Variants in NFIC observed in about 807,000 individuals in gnomAD.
The protein encoded by NFIC is nuclear factor 1 C-type.
NFIC carries 12 observed loss-of-function variants against 54.4 expected under a neutral mutation model. The observed-to-expected ratio is 0.22, with a 90% CI of 0.14 to 0.36. NFIC has a LOEUF of 0.36. Ranked by LOEUF, NFIC falls within the 10% of genes least tolerant of loss-of-function variation. NFIC has a pLI of 1.00. For synonymous variants in NFIC, 322 were observed against 319.2 expected, an observed-to-expected ratio of 1.01 and a Z score of -0.09; for missense variants, 575 against 718.2, an observed-to-expected ratio of 0.80 and a Z score of 2.28.
Position 3,464,155 on chromosome 19 carries a change from C to T in NFIC, c.*1386C>T, listed in dbSNP as rs1449529357. 7 of 985,374 alleles carry T rather than the reference C, an allele frequency of 7.1e-6. No individual in the cohort carries two copies. The East Asian group carries it at 5.7e-4, about 80-fold the overall frequency. The allele number at this position is 985,374 out of a possible 1,614,324, so 61.0% of individuals were successfully genotyped here. A position where few individuals can be genotyped will look rare whatever the true frequency, so the allele number is the denominator to read the frequency against. On this transcript the variant is annotated 3_prime_UTR_variant, in exon 11 of 11. Coordinates refer to ENST00000443272, the MANE Select transcript of NFIC (RefSeq NM_001245002.2). ...GTGCCTCCCAGCGAAGGGGGACCGC[C>T]GTTTGCACTTTCATCGCCTACCCCG...
chr19:3,379,047 C>CG (rs2081154135), intron 1 of NFIC, among the ~76,000 whole-genome samples: 1 of 151,884 alleles, frequency 6.6e-6, no homozygotes, highest in Non-Finnish European at 1.5e-5. Flanking sequence ...CTTTCGTAGT[C>CG]ATTTTTTGTT....
rs77829620 is a variant in NFIC, at chr19:3,452,352, T to G, written c.1085-130T>G. On this transcript the variant is annotated intron_variant, in intron 7 of 10. Transcript: ENST00000443272. The surrounding 1 kb of genome is among the most constrained non-coding windows in gnomAD (Gnocchi z 5.3). The stretch of plus-strand genomic sequence containing the variant: ...AATGTGGTCAGTGCTGCTGGGTTTT[T>G]TTGGTGGTTATTGTTACTAAACGCA... The G allele has an allele frequency of 1.6e-3, 1,996 of 1,248,814 alleles. 21 individuals carry two copies. The African/African-American group carries it at 0.023, about 14-fold the overall frequency. 77.4% of individuals were successfully genotyped at this position (1,248,814 alleles called of 1,614,324 possible).
chr19:3,414,479 C>G (rs1314973015), intron 2 of NFIC, among the ~76,000 whole-genome samples: 1 of 151,954 alleles, frequency 6.6e-6, no homozygotes, highest in African/African-American at 2.4e-5. Flanking sequence ...CCTGTAGTCC[C>G]AGCTACTCTG....
chr19:3,437,409 G>A (rs903316237), intron 6 of NFIC, among the ~76,000 whole-genome samples: 3 of 151,434 alleles, frequency 2.0e-5, no homozygotes, highest in African/African-American at 7.3e-5. Flanking sequence ...GCACTCGGAC[G>A]CATCTAGTTG....
In NFIC at chr19:3,453,534, G is replaced by A. The variant is rs940293986; in HGVS notation, c.1270-229G>A. On this transcript the variant is annotated intron_variant, in intron 8 of 10. Coordinates refer to ENST00000443272, the MANE Select transcript of NFIC (RefSeq NM_001245002.2). This position sits in a 1 kb window ranked among gnomAD's most constrained non-coding sequence, Gnocchi z 6.7. ...TTTACAGAGGAGATGCAGTGAGCGT[G>A]GCCCCAGTAGTGCCGGGCTTTGAGT... is the stretch of plus-strand genomic sequence containing the variant. Among the ~76,000 whole-genome samples the A allele has an allele frequency of 1.3e-5, 2 of 152,156 alleles. No homozygotes were observed. The highest frequency in any genetic ancestry group is 4.8e-5 in the African/African-American group (2 of 41,436).
Position 3,375,636 on chromosome 19 carries a change from G to T in NFIC, c.31-6076G>T, listed in dbSNP as rs1195519756. Among the ~76,000 whole-genome samples, 1 of 152,244 alleles carries T rather than the reference G, an allele frequency of 6.6e-6. No individual in the cohort carries two copies. Among genetic ancestry groups the T allele is most frequent in the African/African-American group, 2.4e-5 (1 of 41,470 alleles). Reference sequence around the variant, plus strand: ...CTGTTACGGTGACTCACGCTTTGGGGGACATTGGGGTGGGGGAGCTTCGCT... The same window carrying T: ...CTGTTACGGTGACTCACGCTTTGGGTGACATTGGGGTGGGGGAGCTTCGCT... On this transcript the variant is annotated intron_variant, in intron 1 of 10. Coordinates refer to ENST00000443272, the MANE Select transcript of NFIC (RefSeq NM_001245002.2). This position sits in a 1 kb window ranked among gnomAD's most constrained non-coding sequence, Gnocchi z 4.6.
At chr19:3,381,564 C>A in intron 1 of NFIC, 148 bp from the exon 2 acceptor site, 1 of 1,240,928 alleles carries the variant, frequency 8.1e-7, no homozygotes, top group Non-Finnish European at 1.1e-6. Context: ...GTGCACGGGT[C>A]CGCAGCGACC....
rs900806821 is a variant in NFIC at position 3,458,504 on chromosome 19, C to T, written c.1509+1869C>T. 1.3e-5 allele frequency among the ~76,000 whole-genome samples: 2 copies of T among 152,204 alleles called. No homozygotes were observed. Among genetic ancestry groups the T allele is most frequent in the Admixed American group, 6.5e-5 (1 of 15,280 alleles). On this transcript the variant is annotated intron_variant, in intron 10 of 10. Coordinates refer to ENST00000443272, the MANE Select transcript of NFIC (RefSeq NM_001245002.2). This position sits in a 1 kb window ranked among gnomAD's most constrained non-coding sequence, Gnocchi z 4.1. ...CTGTGCTGGCTCCAGCCCCACCCCA[C>T]CCAAGCCTGGGAGGGAAGGGAAACT...
At chr19:3,379,664 T>A (rs1362956169) in intron 1 of NFIC, among the ~76,000 whole-genome samples, 5 of 134,134 alleles carry the variant, frequency 3.7e-5, no homozygotes, top group South Asian at 2.4e-4. Context: ...CATTTTTTTT[T>A]ATTTCTTTCT....
rs1044506466 is a variant in NFIC, at chr19:3,387,921, C to G, written c.562+5678C>G. ...TGTCTGCCCGCCCAGGGCCTAAACC[C>G]AGCCAGGCCTCCCCGCCCCCTCTGG... On this transcript the variant is annotated intron_variant, in intron 2 of 10. Transcript: ENST00000443272. Among the ~76,000 whole-genome samples, 7 of 152,220 alleles carry G rather than the reference C, an allele frequency of 4.6e-5. No homozygotes were observed. In the South Asian group the frequency reaches 1.0e-3, roughly 23 times the overall value.
At chr19:3,387,112 A>G (rs2081308820) in intron 2 of NFIC, among the ~76,000 whole-genome samples, 1 of 152,136 alleles carries the variant, frequency 6.6e-6, no homozygotes, top group African/African-American at 2.4e-5. Flanking sequence ...CATCAGGCAT[A>G]GGGCCTTGGC....
intron 1 of NFIC, among the ~76,000 whole-genome samples, chr19:3,371,988 CCTCTCTCTCCCTCTCTCTCTCTCTCT>C (rs2081025955): frequency 3.6e-5 from 1 of 27,412 alleles, no homozygotes; most frequent in Non-Finnish European, 6.4e-5. Context: ...TCTCTCTCTC[CCTCTCTCTCCCTCTCTCTCTCTCTCT>C]CTCTCTCTCT....
chr19:3,431,882 T>C (rs907543404), intron 3 of NFIC, among the ~76,000 whole-genome samples: 6 of 152,188 alleles, frequency 3.9e-5, no homozygotes, highest in African/African-American at 1.2e-4. Flanking sequence ...GAAGGGACAT[T>C]TGGGTGGCTT....
chr19:3,379,669 C>CTTTTTTTTTTTTTTTTTTTTTT (rs2081167140), intron 1 of NFIC, among the ~76,000 whole-genome samples: 1 of 99,528 alleles, frequency 1.0e-5, no homozygotes, highest in African/African-American at 4.3e-5. Flanking sequence ...TTTTTTATTT[C>CTTTTTTTTTTTTTTTTTTTTTT]TTTCTTTTTT....
rs149326135 is a variant in NFIC, at chr19:3,377,402, T to G, written c.31-4310T>G. Among the ~76,000 whole-genome samples, 11 of 150,536 alleles carry G rather than the reference T, an allele frequency of 7.3e-5. No individual in the cohort carries two copies. In the East Asian group the frequency reaches 2.2e-3, roughly 29 times the overall value. On this transcript the variant is annotated intron_variant, in intron 1 of 10. Coordinates refer to ENST00000443272, the MANE Select transcript of NFIC (RefSeq NM_001245002.2). Reference sequence around the variant, plus strand: ...GTAATGATAACAATCATCGCATCATTAATAACAATGTAGTCCTTTGAGAGC... The same window carrying G: ...GTAATGATAACAATCATCGCATCATGAATAACAATGTAGTCCTTTGAGAGC...
chr19:3,388,668 A>AT (rs922429804), intron 2 of NFIC, among the ~76,000 whole-genome samples: 1 of 151,716 alleles, frequency 6.6e-6, no homozygotes, highest in African/African-American at 2.4e-5. Flanking sequence ...CCCCAACAAA[A>AT]TTTTTAAAAA....
At chr19:3,383,975 G>A (rs547099423) in intron 2 of NFIC, among the ~76,000 whole-genome samples, 1 of 152,088 alleles carries the variant, frequency 6.6e-6, no homozygotes, top group South Asian at 2.1e-4. Flanking sequence ...TAGAGCTGGT[G>A]CAAGGGTGAG....
intron 9 of NFIC, among the ~76,000 whole-genome samples, chr19:3,455,051 C>G (rs971602221): frequency 7.9e-5 from 12 of 152,206 alleles, no homozygotes; most frequent in Admixed American, 6.5e-4. Context: ...GCCTTGGTGC[C>G]CAATTCACAG....
At chr19:3,396,707 G>C (rs1242944345) in intron 2 of NFIC, among the ~76,000 whole-genome samples, 1 of 152,254 alleles carries the variant, frequency 6.6e-6, no homozygotes, top group Admixed American at 6.5e-5. Context: ...TGTAATCCCA[G>C]CACTTGCAGA....
Sources: gnomAD v4.1 joint callset for allele counts (sites outside exome capture counted in the v4.1 genomes callset) on GRCh38, gnomAD v4.1.1 for gene constraint, Gnocchi (gnomAD v3.1) non-coding constraint, MANE v1.5 for transcripts, NCBI Gene and HGNC (gene_info 2026-07-23, HGNC 2026-07-21) for gene names.